Variants in SOAT2 observed in about 807,000 individuals in gnomAD.
SOAT2 encodes ACAT-2.
Under a neutral mutation model 76.0 loss-of-function variants are expected in SOAT2, and 87 were observed. The observed-to-expected ratio is 1.14, with a 90% CI of 0.96 to 1.37. SOAT2 has a LOEUF of 1.37. SOAT2 is among the 40% of genes most tolerant of loss of function. The pLI is 0.00. For missense variants in SOAT2, 686 were observed against 682.1 expected (o/e 1.01, Z -0.06); for synonymous variants, 285 against 275.4 (o/e 1.03, Z -0.34).
chr12:53,112,924 C>T (rs533735777), intron 5 of SOAT2, among the ~76,000 whole-genome samples: 4 of 151,814 alleles, frequency 2.6e-5, no homozygotes, highest in Middle Eastern at 3.4e-3. Context: ...GGATTACAGA[C>T]GTCCGCCACC....
chr12:53,121,506 A>C (rs2121304213), intron 12 of SOAT2, 105 bp downstream of exon 12: 1 of 844,676 alleles, frequency 1.2e-6, no homozygotes, highest in South Asian at 1.5e-5. Flanking sequence ...CACTCACCTA[A>C]GGGCCTAAGG....
chr12:53,113,230 G>C (rs1442411793), intron 5 of SOAT2, among the ~76,000 whole-genome samples: 7 of 152,160 alleles, frequency 4.6e-5, no homozygotes, highest in African/African-American at 1.7e-4. Flanking sequence ...TGCAAAGCAG[G>C]CGTATGAGTG....
chr12:53,103,709 G>A (rs200434859), intron 1 of SOAT2, 50 bp downstream of exon 1: 183 of 1,365,372 alleles, frequency 1.3e-4, no homozygotes, highest in Middle Eastern at 1.0e-3. Context: ...GGGGGGAGGC[G>A]GGGAGAGATG....
At chr12:53,120,568 G>A (rs933222890) in intron 10 of SOAT2, among the ~76,000 whole-genome samples, 2 of 149,930 alleles carry the variant, frequency 1.3e-5, no homozygotes, top group Admixed American at 6.7e-5. Context: ...GAGTCCAGGA[G>A]TTTGAGGCTG....
chr12:53,121,793 CTTTTTTTTTTTTTTTTTTTTT>C (rs56848843), intron 12 of SOAT2, among the ~76,000 whole-genome samples: 11 of 56,862 alleles, frequency 1.9e-4, no homozygotes, highest in Admixed American at 1.8e-3. Context: ...TAGTAGCATG[CTTTTTTTTTTTTTTTTTTTTT>C]TTTTTTTTTT....
intron 7 of SOAT2, among the ~76,000 whole-genome samples, chr12:53,116,959 ATTTT>A (rs71095980): frequency 1.4e-5 from 2 of 138,972 alleles, no homozygotes; most frequent in African/African-American, 5.4e-5. Context: ...CCAATTTCAA[ATTTT>A]TTTTTTTTTT....
chr12:53,113,108 G>C (rs922977191), intron 5 of SOAT2, among the ~76,000 whole-genome samples: 1 of 152,104 alleles, frequency 6.6e-6, no homozygotes, highest in African/African-American at 2.4e-5. Flanking sequence ...TGCTATCAAA[G>C]GGAATAAGAC....
intron 5 of SOAT2, 43 bp downstream of exon 5, chr12:53,106,057 A>C (rs140706466): frequency 4.6e-5 from 67 of 1,447,734 alleles, no homozygotes; most frequent in Middle Eastern, 2.0e-4. Flanking sequence ...CTATCTGATC[A>C]GACCCTCTGG....
At chr12:53,113,112 A>G (rs1938049063) in intron 5 of SOAT2, among the ~76,000 whole-genome samples, 1 of 152,200 alleles carries the variant, frequency 6.6e-6, no homozygotes, top group Admixed American at 6.5e-5. Context: ...ATCAAAGGGA[A>G]TAAGACAGAT....
chr12:53,124,049 A>T (rs1417556515), intron 14 of SOAT2, 24 bp from the exon 15 acceptor site: 1 of 1,614,068 alleles, frequency 6.2e-7, no homozygotes, highest in Non-Finnish European at 8.5e-7. Flanking sequence ...GATCTCATTC[A>T]CGACTTATTC....
At chr12:53,112,545 C>CAAAAAAAAAAAA (rs71095977) in intron 5 of SOAT2, among the ~76,000 whole-genome samples, 4 of 58,204 alleles carry the variant, frequency 6.9e-5, no homozygotes, top group Non-Finnish European at 1.1e-4. Context: ...AACTCTGTCT[C>CAAAAAAAAAAAA]AAAAAAAAAA....
At chr12:53,116,270 G>A (rs1174676434) in intron 7 of SOAT2, 104 bp downstream of exon 7, 1 of 1,060,554 alleles carries the variant, frequency 9.4e-7, no homozygotes. Flanking sequence ...TCCTAAGCCC[G>A]GGTTGCCCAC....
intron 5 of SOAT2, among the ~76,000 whole-genome samples, chr12:53,108,182 T>A (rs1000836743): frequency 2.6e-5 from 4 of 152,182 alleles, no homozygotes; most frequent in Non-Finnish European, 5.9e-5. Context: ...GGTGAATTCC[T>A]CTTCTCTTGA....
At chr12:53,117,500 A>G (rs915488735) in intron 7 of SOAT2, among the ~76,000 whole-genome samples, 5 of 152,060 alleles carry the variant, frequency 3.3e-5, no homozygotes, top group South Asian at 4.1e-4. Context: ...GTCAGAACAC[A>G]CACAGAATTT....
At position 53,120,765 on chromosome 12, in the gene SOAT2, C is replaced by T. The variant is rs527966056; in HGVS notation, c.1040-21C>T. 1.9e-6 allele frequency: 3 copies of T among 1,596,868 alleles called. No homozygotes were observed. In the South Asian group the frequency reaches 3.3e-5, roughly 18 times the overall value. On this transcript the variant is annotated intron_variant, in intron 10 of 14. Coordinates refer to ENST00000301466, the MANE Select transcript of SOAT2 (RefSeq NM_003578.4). The stretch of plus-strand genomic sequence containing the variant: ...CCATGTGGGCCAGCCTGACCTGCAG[C>T]CTCTTGTCCCCAACCACCAGGCATC...
rs1565629808 is a variant in SOAT2, at chr12:53,123,599, A to G, written c.1373-129A>G. 8.2e-6 allele frequency: 9 copies of G among 1,093,430 alleles called. No individual in the cohort carries two copies. In the Admixed American group the frequency reaches 2.0e-4, roughly 25 times the overall value. The allele number at this position is 1,093,430 out of a possible 1,614,324, so 67.7% of individuals were successfully genotyped here. A position where few individuals can be genotyped will look rare whatever the true frequency, so the allele number is the denominator to read the frequency against. ...ACTTTAGACCTCTACGAATTTCTGC[A>G]CCTGAGTTCAAGATCTTCTCCAATG... On this transcript the variant is annotated intron_variant, in intron 13 of 14. Transcript: ENST00000301466.
At position 53,115,536 on chromosome 12, in the gene SOAT2, C is replaced by G. The variant is rs150397865; in HGVS notation, c.590C>G (p.Thr197Arg). The G allele has an allele frequency of 6.3e-7, 1 of 1,599,660 alleles. No individual in the cohort carries two copies. ...LWARGTWTQATGLGCALLAAH... is the reference protein window; with the variant it reads ...LWARGTWTQARGLGCALLAAH... ...GCCAGGGGCACCTGGACGCAGGCGA[C>G]GGGCCTGGGCTGTGCGCTGCTAGCC... Residue 197 changes from threonine to arginine, a missense_variant, in exon 6 of 15, where the codon ACG becomes AGG. Thr to Arg is a moderately conservative substitution (Grantham distance 71). Transcript: ENST00000301466.
At position 53,119,785 on chromosome 12, in the gene SOAT2, A is replaced by G. The variant is rs561671645; in HGVS notation, c.1039+532A>G. Among the ~76,000 whole-genome samples, 89 of 152,250 alleles carry G rather than the reference A, an allele frequency of 5.8e-4. 1 individual carries two copies. In the Middle Eastern group the frequency reaches 0.014, roughly 23 times the overall value. On this transcript the variant is annotated intron_variant, in intron 10 of 14. Coordinates refer to ENST00000301466, the MANE Select transcript of SOAT2 (RefSeq NM_003578.4). ...TGGTTGAGATGCCCCCTCCTGTGGG[A>G]AGCCTTCCTTTTGTAGCCATCAATT... is the stretch of plus-strand genomic sequence containing the variant.
chr12:53,122,937 A>G, intron 12 of SOAT2, 144 bp from the exon 13 acceptor site: 2 of 820,446 alleles, frequency 2.4e-6, no homozygotes, highest in Non-Finnish European at 3.5e-6. Flanking sequence ...CACCTCCCGG[A>G]CGGGGCGGCT....
Sources: allele counts gnomAD v4.1 joint callset (sites outside exome capture counted in the v4.1 genomes callset), GRCh38; gene constraint gnomAD v4.1.1; transcripts MANE v1.5; gene names NCBI Gene and HGNC (gene_info 2026-07-23, HGNC 2026-07-21).